Variants in GSE1 observed in about 807,000 individuals in gnomAD.
GSE1 encodes the protein Gse1 coiled-coil protein.
In GSE1, 32 loss-of-function variants were observed where a neutral mutation model predicts 112.6. The observed-to-expected ratio is 0.28, with a 90% confidence interval of 0.21 to 0.38. The LOEUF (loss-of-function observed/expected upper bound fraction) is 0.38, where lower values mean the gene tolerates loss of function less well. GSE1 is among the 10% of genes least tolerant of loss of function. The pLI, the probability that GSE1 is intolerant of heterozygous loss-of-function variation, is 1.00. For missense variants in GSE1, 2,348 were observed against 1,699.2 expected, an observed-to-expected ratio of 1.38 and a Z score of -6.71; for synonymous variants, 1,115 against 735.6, an observed-to-expected ratio of 1.52 and a Z score of -8.35.
intron 1 of GSE1, among the ~76,000 whole-genome samples, chr16:85,321,822 G>T (rs893759208): frequency 6.6e-6 from 1 of 151,800 alleles, no homozygotes; most frequent in Non-Finnish European, 1.5e-5. Flanking sequence ...AAAAAGTTCT[G>T]CCTGTAACTG....
At position 85,513,219 on chromosome 16, in the gene GSE1, G is replaced by C. The variant is rs375806677; in HGVS notation, c.2465-120695G>C. On this transcript the variant is annotated intron_variant, in intron 2 of 2. Transcript: ENST00000637419. ...CTCCCGGCTCAGAGATGGCAGCTGG[G>C]AGCATGAACCCAGACTCCAGCCCGC... Among the ~76,000 whole-genome samples, 43 of 152,098 alleles carry C rather than the reference G, an allele frequency of 2.8e-4. 1 individual carries two copies. In the East Asian group the frequency reaches 8.1e-3, roughly 29 times the overall value.
At chr16:85,411,762 T>G (rs1253595009) in intron 2 of GSE1, among the ~76,000 whole-genome samples, 2 of 37,388 alleles carry the variant, frequency 5.3e-5, no homozygotes, top group Admixed American at 4.0e-4. Flanking sequence ...TCCTCACCGT[T>G]ACACTCAGGG....
intron 1 of GSE1, among the ~76,000 whole-genome samples, chr16:85,569,210 C>T (rs1187142456): frequency 6.6e-6 from 1 of 152,222 alleles, no homozygotes; most frequent in Admixed American, 6.5e-5. Flanking sequence ...CCAGGCTGTT[C>T]CTGCTGCCTA....
chr16:85,414,800 A>AG (rs1567752439), intron 2 of GSE1, among the ~76,000 whole-genome samples: 3 of 151,510 alleles, frequency 2.0e-5, no homozygotes, highest in Admixed American at 6.6e-5. Flanking sequence ...ATGCCTGACT[A>AG]ATTTTTTGTA....
At chr16:85,349,905 G>C (rs564991432) in intron 1 of GSE1, among the ~76,000 whole-genome samples, 1 of 152,202 alleles carries the variant, frequency 6.6e-6, no homozygotes, top group Admixed American at 6.5e-5. Context: ...GCCGCTAGGC[G>C]TGGGGGTGCA....
chr16:85,172,514 C>T (rs918534221), intron 1 of GSE1, among the ~76,000 whole-genome samples: 2 of 152,196 alleles, frequency 1.3e-5, no homozygotes, highest in African/African-American at 2.4e-5. Context: ...TGCCCGCCCG[C>T]GAGGAGCCAG....
intron 2 of GSE1, among the ~76,000 whole-genome samples, chr16:85,636,165 G>C (rs1300157260): frequency 6.6e-6 from 1 of 152,228 alleles, no homozygotes; most frequent in African/African-American, 2.4e-5. Context: ...CCCCATGGTG[G>C]ATGCCCCCCA....
chr16:85,667,107 A>T (rs1175149138), intron 13 of GSE1, among the ~76,000 whole-genome samples: 1 of 152,262 alleles, frequency 6.6e-6, no homozygotes, highest in Non-Finnish European at 1.5e-5. Context: ...GTTCTCCATG[A>T]CAGATACCAA....
At chr16:85,636,213 T>C (rs2049984693) in intron 2 of GSE1, among the ~76,000 whole-genome samples, 1 of 152,168 alleles carries the variant, frequency 6.6e-6, no homozygotes, top group African/African-American at 2.4e-5. Flanking sequence ...GGGAACTGAA[T>C]GGCAGAGGGT....
At chr16:85,351,404 G>A (rs1597461848) in intron 1 of GSE1, among the ~76,000 whole-genome samples, 6 of 152,182 alleles carry the variant, frequency 3.9e-5, no homozygotes, top group Non-Finnish European at 1.5e-5. Context: ...CAGCACAAAA[G>A]GCCACATATT....
chr16:85,563,183 C>G (rs917521226), intron 1 of GSE1, among the ~76,000 whole-genome samples: 12 of 145,516 alleles, frequency 8.2e-5, no homozygotes, highest in African/African-American at 3.3e-4. Flanking sequence ...CCTCCTCCTC[C>G]TCTTCCTTTT....
intron 1 of GSE1, among the ~76,000 whole-genome samples, chr16:85,312,141 C>G (rs1294890869): frequency 1.3e-5 from 2 of 151,726 alleles, no homozygotes; most frequent in Non-Finnish European, 2.9e-5. Flanking sequence ...CCGCTTCCAT[C>G]CCCTCCCGTG....
rs1284599577 is a variant in GSE1, at chr16:85,268,971, G to C, written c.2284-88492G>C. On this transcript the variant is annotated intron_variant, in intron 1 of 2. Coordinates refer to the GSE1 transcript ENST00000637419. ...TTCTGATTTTAATGACAGGGGAGGG[G>C]GAGGCTGCAGAAAATGCCAGGAGGG... Among the ~76,000 whole-genome samples, 6 of 127,622 alleles carry C rather than the reference G, an allele frequency of 4.7e-5. 2 individuals carry two copies. Among genetic ancestry groups the C allele is most frequent in the Non-Finnish European group, 1.2e-4 (6 of 51,714 alleles). 83.7% of individuals were successfully genotyped at this position (127,622 alleles called of 152,430 possible).
intron 2 of GSE1, among the ~76,000 whole-genome samples, chr16:85,510,404 G>A (rs111903221): frequency 1.2e-4 from 7 of 56,408 alleles, no homozygotes; most frequent in African/African-American, 3.7e-4. Flanking sequence ...GGGCCCGAGC[G>A]TGCGTGTGTG....
intron 1 of GSE1, among the ~76,000 whole-genome samples, chr16:85,630,451 C>G (rs1419794673): frequency 5.9e-5 from 9 of 152,044 alleles, no homozygotes. Context: ...TCAAATAATC[C>G]TCCCAAACAG....
At chr16:85,170,169 G>GGCTCCGGGACCC (rs1182480456) in exon 1 of GSE1, 1 of 985,228 alleles carries the variant, frequency 1.0e-6, no homozygotes, top group African/African-American at 1.7e-5. Context: ...AGTGGAGGCC[G>GGCTCCGGGACCC]GCTCCGGGAC....
chr16:85,577,545 C>T (rs2046277784), intron 1 of GSE1, among the ~76,000 whole-genome samples: 1 of 152,186 alleles, frequency 6.6e-6, no homozygotes, highest in Admixed American at 6.5e-5. Context: ...GCTCATTTCT[C>T]CTTCGCACTA....
chr16:85,440,948 C>T (rs1373895698), intron 2 of GSE1, among the ~76,000 whole-genome samples: 1 of 152,194 alleles, frequency 6.6e-6, no homozygotes, highest in East Asian at 1.9e-4. Flanking sequence ...CCCTGGGCCA[C>T]TTGCCGGGGG....
chr16:85,671,439 C>CAAAAAAAAAAAAAA (rs1159665909), intron 15 of GSE1, among the ~76,000 whole-genome samples: 22 of 61,302 alleles, frequency 3.6e-4, no homozygotes, highest in African/African-American at 1.1e-3. Flanking sequence ...GACTCCGTCT[C>CAAAAAAAAAAAAAA]AAAAAAAAAA....
Sources: allele counts gnomAD v4.1 joint callset (sites outside exome capture counted in the v4.1 genomes callset), GRCh38; gene constraint gnomAD v4.1.1; transcripts MANE v1.5; gene names NCBI Gene and HGNC (gene_info 2026-07-23, HGNC 2026-07-21).